P3H2: variants seen among roughly 807,000 people sequenced by gnomAD.
P3H2 encodes prolyl 3-hydroxylase 2.
In P3H2, 80 loss-of-function variants were observed where a neutral mutation model predicts 87.0. The observed-to-expected ratio is 0.92, with a 90% CI of 0.77 to 1.11. The LOEUF (loss-of-function observed/expected upper bound fraction) is 1.11. Ranked by LOEUF, P3H2 falls within the 50% of genes least tolerant of loss-of-function variation. P3H2 has a pLI of 0.00. For missense variants in P3H2, 1,001 were observed against 923.9 expected (o/e 1.08, Z -1.08); for synonymous variants, 367 against 359.3 (o/e 1.02, Z -0.24).
At chr3:190,039,475 C>A (rs141060425) in intron 1 of P3H2, among the ~76,000 whole-genome samples, 2 of 152,172 alleles carry the variant, frequency 1.3e-5, no homozygotes, top group African/African-American at 4.8e-5. Context: ...AAAACAGGCC[C>A]CAAAGATACA....
intron 1 of P3H2, among the ~76,000 whole-genome samples, chr3:190,108,771 AT>A (rs1487945664): frequency 6.6e-5 from 10 of 152,234 alleles, no homozygotes; most frequent in Admixed American, 3.3e-4. Context: ...ATTTTTTTAA[AT>A]TGCTGATAGA....
At chr3:189,987,695 T>G in intron 4 of P3H2, 26 bp from the exon 5 acceptor site, 1 of 1,613,836 alleles carries the variant, frequency 6.2e-7, no homozygotes. Context: ...GTTGCAGCAT[T>G]AGAGTCAGCC....
rs1319038993 is a variant in P3H2 at position 189,971,860 on chromosome 3, G to T, written c.1817+30C>A. The T allele has an allele frequency of 6.8e-6, 9 of 1,318,950 alleles. No individual in the cohort carries two copies. In the Admixed American group the frequency reaches 1.3e-4, roughly 20 times the overall value. 81.7% of individuals were successfully genotyped at this position (1,318,950 alleles called of 1,614,324 possible). A position where few individuals can be genotyped will look rare whatever the true frequency, so the allele number is the denominator to read the frequency against. The stretch of plus-strand genomic sequence containing the variant: ...ACTGCTTGAAAACTGTTAGGTAAAA[G>T]CTTTGTTTTGAAGCAGGTTCTAGCT... On this transcript the variant is annotated intron_variant, in intron 12 of 14. Transcript: ENST00000319332.
rs540926326 is a variant in P3H2, at chr3:190,027,617, T to A, written c.481-32175A>T. ...TAGGTTGGTGCAAAAGTAATTGCGG[T>A]TTTTACCTTTTTTTTTTTTTTTAAG... On this transcript the variant is annotated intron_variant, in intron 1 of 14. Transcript: ENST00000319332. 2.7e-5 allele frequency among the ~76,000 whole-genome samples: 4 copies of A among 146,366 alleles called. No homozygotes were observed. In the South Asian group the frequency reaches 8.9e-4, roughly 32 times the overall value.
At chr3:190,030,226 T>A (rs911042792) in intron 1 of P3H2, among the ~76,000 whole-genome samples, 1 of 151,968 alleles carries the variant, frequency 6.6e-6, no homozygotes, top group Admixed American at 6.6e-5. Flanking sequence ...CATAGCTACA[T>A]GAAAAAAATA....
At chr3:190,121,002 GC>G (rs1712562577), upstream of P3H2, 6 of 490,276 alleles carry the variant, frequency 1.2e-5, no homozygotes, top group South Asian at 1.9e-4. Flanking sequence ...CCCCGCTGCA[GC>G]GGCGGGGCTG....
intron 8 of P3H2, among the ~76,000 whole-genome samples, chr3:189,976,920 G>C (rs765923187): frequency 3.3e-5 from 5 of 152,280 alleles, no homozygotes; most frequent in Admixed American, 1.3e-4. Context: ...CTCAAATTGT[G>C]TTGCATTGAA....
intron 1 of P3H2, among the ~76,000 whole-genome samples, chr3:190,027,821 A>G (rs1319757633): frequency 6.6e-6 from 1 of 151,820 alleles, no homozygotes; most frequent in Non-Finnish European, 1.5e-5. Context: ...TGCACACAGG[A>G]GGTCCTTTGT....
At chr3:190,102,218 G>T (rs974917425) in intron 1 of P3H2, among the ~76,000 whole-genome samples, 3 of 152,172 alleles carry the variant, frequency 2.0e-5, no homozygotes, top group African/African-American at 7.2e-5. Flanking sequence ...CTGTAATAGA[G>T]GAGTAACTTT....
chr3:189,984,551 G>A lies in P3H2; in HGVS notation c.1228C>T (p.Arg410Trp), dbSNP rs1307588537. 1.3e-5 allele frequency: 21 copies of A among 1,610,362 alleles called. No homozygotes were observed. The highest frequency in any genetic ancestry group is 1.6e-4 in the Middle Eastern group (1 of 6,072). Residue 410 changes from arginine (R) to tryptophan (W), a missense_variant and splice_region_variant, in exon 7 of 15, where the codon CGG becomes TGG. Coordinates refer to ENST00000319332, the MANE Select transcript of P3H2 (RefSeq NM_018192.4). ...IRYGGRQDEN[R>W]VPSGVNVEGA... ...AGTTTGCATTCTGAATGGACTTACC[G>A]ATTCTCATCCTGTCGTCCTCCATAT...
At chr3:190,049,072 C>A (rs1036578400) in intron 1 of P3H2, among the ~76,000 whole-genome samples, 1 of 152,048 alleles carries the variant, frequency 6.6e-6, no homozygotes, top group Non-Finnish European at 1.5e-5. Flanking sequence ...CAACCCTTGC[C>A]AAAGTAGTAG....
chr3:190,048,900 C>T lies in P3H2; in HGVS notation c.481-53458G>A, dbSNP rs1725887818. Among the ~76,000 whole-genome samples, 3 of 152,144 alleles carry T rather than the reference C, an allele frequency of 2.0e-5. No homozygotes were observed. The South Asian group carries it at 6.2e-4, about 31-fold the overall frequency. On this transcript the variant is annotated intron_variant, in intron 1 of 14. Coordinates refer to ENST00000319332, the MANE Select transcript of P3H2 (RefSeq NM_018192.4). ...CATGTCCTTTTAGCCTTAACACCTT[C>T]CAAAGGAAGGAGAAAAATAGCTTTG...
chr3:190,090,281 C>T (rs983986467), intron 1 of P3H2, among the ~76,000 whole-genome samples: 5 of 152,030 alleles, frequency 3.3e-5, no homozygotes, highest in African/African-American at 1.2e-4. Context: ...GGATCAAAGG[C>T]ACTAAAAAAT....
At chr3:189,980,253 C>G (rs551755726) in intron 8 of P3H2, among the ~76,000 whole-genome samples, 156 of 152,276 alleles carry the variant, frequency 1.0e-3, no homozygotes, top group African/African-American at 3.7e-3. Context: ...CCTGACATCC[C>G]CTTTTAGTCA....
At chr3:189,970,616 A>G (rs1326289110) in intron 13 of P3H2, among the ~76,000 whole-genome samples, 200 bp downstream of exon 13, 15 of 152,052 alleles carry the variant, frequency 9.9e-5, no homozygotes, top group African/African-American at 3.6e-4. Flanking sequence ...CAATTCTTTA[A>G]TTTACTCATC....
intron 1 of P3H2, among the ~76,000 whole-genome samples, chr3:190,070,013 G>A (rs1284570863): frequency 2.0e-5 from 3 of 151,734 alleles, no homozygotes; most frequent in Admixed American, 1.3e-4. Flanking sequence ...GGTGAAAGGT[G>A]GTTTACTTGT....
intron 1 of P3H2, among the ~76,000 whole-genome samples, chr3:190,010,891 A>G (rs1317986946): frequency 6.6e-6 from 1 of 152,240 alleles, no homozygotes; most frequent in African/African-American, 2.4e-5. Flanking sequence ...AGCATGATCA[A>G]TGACAATGCT....
At position 189,983,796 on chromosome 3, in the gene P3H2, AG is replaced by A. The variant is rs564758929; in HGVS notation, c.1230-657del. Among the ~76,000 whole-genome samples, 363 of 152,310 alleles carry A rather than the reference AG, an allele frequency of 2.4e-3. 2 individuals carry two copies. The highest frequency in any genetic ancestry group is 3.7e-3 in the Non-Finnish European group (250 of 68,020). On this transcript the variant is annotated intron_variant, in intron 7 of 14. Transcript: ENST00000319332. ...CTCTAAGCAAGTTGCTTGCCTTGTC[AG>A]GGCCTCAGGTTCCCAATTTGAAAAT...
intron 1 of P3H2, among the ~76,000 whole-genome samples, chr3:190,066,143 GTA>G (rs60898721): frequency 7.2e-6 from 1 of 138,752 alleles, no homozygotes. Flanking sequence ...ACTGTGGTGT[GTA>G]TATATATATA....
Sources: allele counts gnomAD v4.1 joint callset (sites outside exome capture counted in the v4.1 genomes callset), GRCh38; gene constraint gnomAD v4.1.1; transcripts MANE v1.5; gene names NCBI Gene and HGNC (gene_info 2026-07-23, HGNC 2026-07-21).